CUL4A: variants seen among roughly 807,000 people sequenced by gnomAD.
CUL4A encodes the protein cullin-4A.
In CUL4A, 16 loss-of-function variants were observed where a neutral mutation model predicts 95.5. The ratio of observed to expected loss-of-function variants is 0.17; its 90% CI spans 0.11 to 0.25. CUL4A has a LOEUF of 0.25. Ranked by LOEUF, CUL4A falls within the 10% of genes least tolerant of loss-of-function variation. The probability of loss-of-function intolerance (pLI) is 1.00; values close to 1 mark genes in which losing one functional copy is unlikely to be tolerated. For missense variants in CUL4A, 610 were observed against 937.0 expected (o/e 0.65, Z 4.56); for synonymous variants, 380 against 353.1 (o/e 1.08, Z -0.85).
In CUL4A at chr13:113,233,922, A is replaced by G; in HGVS notation, c.701A>G (p.Lys234Arg). 6.2e-7 allele frequency: 1 copy of G among 1,608,572 alleles called. No individual in the cohort carries two copies. Among genetic ancestry groups the G allele is most frequent in the South Asian group, 1.1e-5 (1 of 90,850 alleles). ...LQVYKDSFEL[K>R]FLEETNCLYA... ...GTGTATAAAGATTCATTTGAACTGA[A>G]ATTTTTGGAAGAGACTAATTGCTTA... is the stretch of plus-strand genomic sequence containing the variant. The change falls in exon 7 of 20, where the codon AAA becomes AGA. Residue 234 changes from lysine to arginine, a missense_variant. Coordinates refer to ENST00000375440, the MANE Select transcript of CUL4A (RefSeq NM_001008895.4).
Position 113,239,562 on chromosome 13 carries a change from G to A in CUL4A, c.1035+11G>A, listed in dbSNP as rs779997826. 1.3e-6 allele frequency: 2 copies of A among 1,598,322 alleles called. No individual in the cohort carries two copies. The highest frequency in any genetic ancestry group is 4.5e-5 in the East Asian group (2 of 44,302). Reference sequence around the variant, plus strand: ...AGCGAGTACATCAAGGTACTGGCGGGGTTTTGAGGCCGCGGGCGTGGGCAT... The same window carrying A: ...AGCGAGTACATCAAGGTACTGGCGGAGTTTTGAGGCCGCGGGCGTGGGCAT... On this transcript the variant is annotated intron_variant, in intron 10 of 19. Coordinates refer to ENST00000375440, the MANE Select transcript of CUL4A (RefSeq NM_001008895.4).
chr13:113,208,719 T>C (rs1229749507), upstream of CUL4A: 16 of 1,511,100 alleles, frequency 1.1e-5, no homozygotes, highest in African/African-American at 1.4e-5. Context: ...TCCGTCTGGG[T>C]CCTGGCGCCC....
chr13:113,247,305 G>A (rs2041882990), intron 15 of CUL4A, among the ~76,000 whole-genome samples: 1 of 152,210 alleles, frequency 6.6e-6, no homozygotes. Context: ...TGACTGGACA[G>A]AAGGGTACCA....
intron 5 of CUL4A, 121 bp from the exon 6 acceptor site, chr13:113,233,056 G>A: frequency 9.8e-7 from 1 of 1,025,594 alleles, no homozygotes; most frequent in East Asian, 2.6e-5. Flanking sequence ...TTGGCACCTA[G>A]ATGTAGAGAA....
At chr13:113,233,696 C>T (rs1219579361) in intron 6 of CUL4A, among the ~76,000 whole-genome samples, 1 of 152,110 alleles carries the variant, frequency 6.6e-6, no homozygotes, top group East Asian at 1.9e-4. Context: ...GCAATAGGAC[C>T]CCAAGGCACT....
chr13:113,257,933 T>C (rs545558666), intron 18 of CUL4A, among the ~76,000 whole-genome samples: 129 of 152,326 alleles, frequency 8.5e-4, no homozygotes, highest in African/African-American at 2.9e-3. Flanking sequence ...ATCACCTTAT[T>C]ATGTATCAAA....
chr13:113,219,179 A>G (rs1271094019), intron 3 of CUL4A, 131 bp downstream of exon 3: 4 of 548,762 alleles, frequency 7.3e-6, no homozygotes, highest in Non-Finnish European at 1.2e-5. Flanking sequence ...CTTTTATTTG[A>G]TAGGTTTGTA....
At position 113,264,891 on chromosome 13, in the gene CUL4A, A is replaced by G. The variant is rs1037886168; in HGVS notation, c.*1309A>G. Reference sequence around the variant, plus strand: ...TTTAATTGTCATTTCTATCTTTGAAAATTTTCATTTATGAGTTCCATGATA... The same window carrying G: ...TTTAATTGTCATTTCTATCTTTGAAGATTTTCATTTATGAGTTCCATGATA... On this transcript the variant is annotated 3_prime_UTR_variant, in exon 20 of 20. Transcript: ENST00000375440. The G allele has an allele frequency of 2.0e-5, 3 of 152,214 alleles. No homozygotes were observed. Among genetic ancestry groups the G allele is most frequent in the Admixed American group, 2.0e-4 (3 of 15,260 alleles). 9.4% of individuals were successfully genotyped at this position (152,214 alleles called of 1,614,324 possible). A position where few individuals can be genotyped will look rare whatever the true frequency, so the allele number is the denominator to read the frequency against.
At position 113,209,897 on chromosome 13, in the gene CUL4A, C is replaced by G. The variant is rs1022112969; in HGVS notation, c.149-76C>G. ...CCCCGGGAGCGGGGGCGCCGGGGCGCCGGCCGGGTCGGGGGTGGCTACGCG... is the reference window on the plus strand; with the variant it reads ...CCCCGGGAGCGGGGGCGCCGGGGCGGCGGCCGGGTCGGGGGTGGCTACGCG... On this transcript the variant is annotated intron_variant, in intron 1 of 19. Coordinates refer to ENST00000375440, the MANE Select transcript of CUL4A (RefSeq NM_001008895.4). The G allele has an allele frequency of 2.5e-6, 3 of 1,223,268 alleles. No homozygotes were observed. The Admixed American group carries it at 1.3e-4, about 53-fold the overall frequency. 75.8% of individuals were successfully genotyped at this position (1,223,268 alleles called of 1,614,324 possible). A position where few individuals can be genotyped will look rare whatever the true frequency, so the allele number is the denominator to read the frequency against.
Position 113,265,586 on chromosome 13 carries a change from T to C in CUL4A, c.*2004T>C, listed in dbSNP as rs7999039. The C allele has an allele frequency of 0.96, 146,625 of 152,322 alleles. 70,813 individuals carry two copies. The highest frequency in any genetic ancestry group is 1 in the East Asian group (5,172 of 5,172). The allele number at this position is 152,322 out of a possible 1,614,324, so 9.4% of individuals were successfully genotyped here. On this transcript the variant is annotated 3_prime_UTR_variant, in exon 20 of 20. Coordinates refer to ENST00000375440, the MANE Select transcript of CUL4A (RefSeq NM_001008895.4). ...TATTTTTGTAGAGACGGGGTTTCAC[T>C]ATGTTGGCCAGACTGGTCTTGAACT...
At chr13:113,223,624 C>T (rs2040986959) in intron 3 of CUL4A, among the ~76,000 whole-genome samples, 1 of 152,126 alleles carries the variant, frequency 6.6e-6, no homozygotes, top group Non-Finnish European at 1.5e-5. Context: ...CTCGAATTTG[C>T]GATCTTGGAT....
intron 18 of CUL4A, among the ~76,000 whole-genome samples, chr13:113,260,203 C>CAAAAAAAAA (rs71101559): frequency 0.027 from 336 of 12,496 alleles, 93 homozygotes; most frequent in Non-Finnish European, 0.036. Flanking sequence ...GACTCCGTCT[C>CAAAAAAAAA]AAAAAAAAAA....
intron 19 of CUL4A, among the ~76,000 whole-genome samples, chr13:113,261,155 A>G (rs2042264958): frequency 6.6e-6 from 1 of 152,200 alleles, no homozygotes; most frequent in Non-Finnish European, 1.5e-5. Flanking sequence ...CACCACGGTA[A>G]TAGTCTACTG....
intron 3 of CUL4A, among the ~76,000 whole-genome samples, chr13:113,222,830 G>A (rs1479423312): frequency 6.6e-6 from 1 of 152,138 alleles, no homozygotes; most frequent in Non-Finnish European, 1.5e-5. Flanking sequence ...AGCCCAGGAG[G>A]CCGAGGCTGC....
rs534882664 is a variant in CUL4A at position 113,213,186 on chromosome 13, G to A, written c.264+3098G>A. Reference sequence around the variant, plus strand: ...CCTGATCGCTTGAGCCCAGGAGTTCGAGACCAGCCTAGGCAACATGGTGAA... The same window carrying A: ...CCTGATCGCTTGAGCCCAGGAGTTCAAGACCAGCCTAGGCAACATGGTGAA... On this transcript the variant is annotated intron_variant, in intron 2 of 19. Transcript: ENST00000375440. 1.6e-4 allele frequency among the ~76,000 whole-genome samples: 25 copies of A among 152,154 alleles called. No homozygotes were observed. In the East Asian group the frequency reaches 3.5e-3, roughly 21 times the overall value.
chr13:113,242,157 C>T (rs775322106), intron 10 of CUL4A, among the ~76,000 whole-genome samples: 2 of 151,780 alleles, frequency 1.3e-5, no homozygotes, highest in Non-Finnish European at 2.9e-5. Context: ...TCTAGCTGGG[C>T]GTGGTGGTGT....
Position 113,245,205 on chromosome 13 carries a change from C to G in CUL4A, c.1498C>G (p.Leu500Val). 6.2e-7 allele frequency: 1 copy of G among 1,614,176 alleles called. No homozygotes were observed. The highest frequency in any genetic ancestry group is 8.5e-7 in the Non-Finnish European group (1 of 1,180,028). The change falls in exon 14 of 20, where the codon CTT becomes GTT. Residue 500 changes from leucine (L) to valine (V), a missense_variant. This residue lies in a region of CUL4A where 44 missense variants were observed against 75.6 expected (regional missense o/e 0.58). Transcript: ENST00000375440. ...KLEGMFKDMELSKDIMVHFKQ... is the reference protein window; with the variant it reads ...KLEGMFKDMEVSKDIMVHFKQ... ...GGAAGGCATGTTCAAGGACATGGAG[C>G]TTTCGAAGGACATCATGGTTCATTT...
At position 113,227,960 on chromosome 13, in the gene CUL4A, C is replaced by T; in HGVS notation, c.369-16C>T. On this transcript the variant is annotated splice_polypyrimidine_tract_variant and intron_variant, in intron 3 of 19. Transcript: ENST00000375440. ...ATTGGCCAGCATTTTTAAAGTTTTC[C>T]TTAGCAGATCTGTACAGACTCACTA... 6.5e-7 allele frequency: 1 copy of T among 1,550,106 alleles called. No homozygotes were observed. The highest frequency in any genetic ancestry group is 1.2e-5 in the South Asian group (1 of 84,630).
chr13:113,209,666 G>C lies in CUL4A; in HGVS notation c.39G>C (p.Ala13=). Residue 13 remains alanine, a synonymous_variant, in exon 1 of 20, where the codon GCG becomes GCC. Transcript: ENST00000375440. ...DEAPRKGSFS[A]LVGRTNGLTK... is the part of the protein sequence containing the mutation. ...CCCCGCGGAAGGGCAGCTTCTCGGC[G>C]CTCGTGGGCCGCACCAACGGCCTCA... The C allele has an allele frequency of 8.8e-7, 1 of 1,135,082 alleles. No individual in the cohort carries two copies. Among genetic ancestry groups the C allele is most frequent in the Non-Finnish European group, 1.1e-6 (1 of 926,904 alleles). The allele number at this position is 1,135,082 out of a possible 1,614,324, so 70.3% of individuals were successfully genotyped here.
Sources: gnomAD v4.1 joint callset for allele counts (sites outside exome capture counted in the v4.1 genomes callset) on GRCh38, gnomAD v4.1.1 for gene constraint, gnomAD v4.1.1 regional missense constraint, MANE v1.5 for transcripts, NCBI Gene and HGNC (gene_info 2026-07-23, HGNC 2026-07-21) for gene names.